The following ELK3 variants were observed in gnomAD, a reference collection of about 807,000 sequenced individuals.
ELK3 encodes the protein ETS domain-containing protein Elk-3.
A neutral mutation model predicts 28.9 loss-of-function variants in ELK3; 10 were observed. The observed-to-expected ratio is 0.35, with a 90% CI of 0.21 to 0.59. The LOEUF (loss-of-function observed/expected upper bound fraction) is 0.59, where lower values mean the gene tolerates loss of function less well. ELK3 is among the 20% of genes least tolerant of loss of function. The probability of loss-of-function intolerance (pLI) is 0.82; values close to 1 mark genes in which losing one functional copy is unlikely to be tolerated. For missense variants in ELK3, 463 were observed against 517.3 expected, an observed-to-expected ratio of 0.90 and a Z score of 1.02; for synonymous variants, 272 against 243.5, an observed-to-expected ratio of 1.12 and a Z score of -1.09.
intron 2 of ELK3, among the ~76,000 whole-genome samples, chr12:96,244,415 A>G (rs1951842264): frequency 6.6e-6 from 1 of 151,140 alleles, no homozygotes; most frequent in South Asian, 2.1e-4. Context: ...CCCAACTTAG[A>G]CATGATGTTC....
chr12:96,228,020 A>G (rs1951716005), intron 2 of ELK3, among the ~76,000 whole-genome samples: 1 of 152,158 alleles, frequency 6.6e-6, no homozygotes, highest in South Asian at 2.1e-4. Flanking sequence ...CAAAGAAGAA[A>G]ATTAGAAACT....
At chr12:96,260,171 T>TA (rs1951982653) in intron 4 of ELK3, among the ~76,000 whole-genome samples, 1 of 151,674 alleles carries the variant, frequency 6.6e-6, no homozygotes, top group South Asian at 2.1e-4. Context: ...TAGGCCAGTG[T>TA]GATGGCTCAC....
chr12:96,225,778 G>A (rs1329641845), intron 2 of ELK3, among the ~76,000 whole-genome samples: 1 of 152,176 alleles, frequency 6.6e-6, no homozygotes, highest in Admixed American at 6.5e-5. Flanking sequence ...TGAGTGTCTT[G>A]AGTTCCAGGT....
chr12:96,250,582 A>T (rs1016882884), intron 3 of ELK3, among the ~76,000 whole-genome samples: 1 of 152,226 alleles, frequency 6.6e-6, no homozygotes, highest in African/African-American at 2.4e-5. Context: ...CTCAACAGCC[A>T]GGCATTCTGT....
intron 1 of ELK3, among the ~76,000 whole-genome samples, chr12:96,209,460 T>C (rs947365086): frequency 6.6e-6 from 1 of 152,208 alleles, no homozygotes; most frequent in Non-Finnish European, 1.5e-5. Flanking sequence ...ACCGCCATCA[T>C]TTTGTATCCA....
chr12:96,266,491 C>T (rs563008344), intron 4 of ELK3, among the ~76,000 whole-genome samples: 2 of 151,968 alleles, frequency 1.3e-5, no homozygotes, highest in Admixed American at 1.3e-4. Context: ...ATACAGAAAT[C>T]TTATTCTTTG....
intron 2 of ELK3, among the ~76,000 whole-genome samples, chr12:96,235,314 C>T (rs1258575166): frequency 6.6e-6 from 1 of 151,662 alleles, no homozygotes; most frequent in Non-Finnish European, 1.5e-5. Flanking sequence ...CCAGCTGGCG[C>T]CTCACTTGGT....
At chr12:96,245,561 G>T (rs1167321664) in intron 2 of ELK3, among the ~76,000 whole-genome samples, 1 of 152,096 alleles carries the variant, frequency 6.6e-6, no homozygotes, top group Non-Finnish European at 1.5e-5. Flanking sequence ...TACTTGAAAT[G>T]ATCTTTTTTT....
intron 2 of ELK3, among the ~76,000 whole-genome samples, chr12:96,228,674 C>CT (rs1207189594): frequency 6.6e-6 from 1 of 152,224 alleles, no homozygotes; most frequent in Non-Finnish European, 1.5e-5. Context: ...TTAAATGACT[C>CT]TCCCTCACCG....
At chr12:96,232,254 A>T (rs1951746864) in intron 2 of ELK3, among the ~76,000 whole-genome samples, 1 of 151,550 alleles carries the variant, frequency 6.6e-6, no homozygotes, top group Non-Finnish European at 1.5e-5. Context: ...AAGGGTTGGA[A>T]CTCTGTGGTG....
At chr12:96,236,999 C>T (rs984327533) in intron 2 of ELK3, among the ~76,000 whole-genome samples, 4 of 152,202 alleles carry the variant, frequency 2.6e-5, no homozygotes, top group South Asian at 2.1e-4. Context: ...TCTGCCTCCA[C>T]GTCCCATGAC....
intron 2 of ELK3, among the ~76,000 whole-genome samples, chr12:96,238,584 C>T (rs1951799115): frequency 6.6e-6 from 1 of 152,188 alleles, no homozygotes; most frequent in Non-Finnish European, 1.5e-5. Context: ...CTGTCACCCT[C>T]GTCCCTTGGA....
At chr12:96,264,984 C>T (rs1952019583) in intron 4 of ELK3, among the ~76,000 whole-genome samples, 1 of 152,148 alleles carries the variant, frequency 6.6e-6, no homozygotes, top group Non-Finnish European at 1.5e-5. Flanking sequence ...GGAGCCCTGA[C>T]TCAAGTTTTA....
Position 96,246,930 on chromosome 12 carries a change from G to C in ELK3, c.208-10G>C, listed in dbSNP as rs765609150. 6.3e-7 allele frequency: 1 copy of C among 1,576,926 alleles called. No individual in the cohort carries two copies. The highest frequency in any genetic ancestry group is 1.2e-5 in the South Asian group (1 of 86,246). ...ACTCAGATTTTCAACGTCTACTTTT[G>C]TATTTGCAGAACATCATCAAGAAGG... On this transcript the variant is annotated splice_polypyrimidine_tract_variant and intron_variant, in intron 2 of 4. Transcript: ENST00000228741.
chr12:96,209,942 C>T (rs1035899522), intron 1 of ELK3, among the ~76,000 whole-genome samples: 8 of 150,948 alleles, frequency 5.3e-5, no homozygotes, highest in Non-Finnish European at 4.4e-5. Flanking sequence ...CTACATTTGA[C>T]CAAGGCACAG....
At chr12:96,214,120 A>T (rs1360137985) in intron 1 of ELK3, among the ~76,000 whole-genome samples, 1 of 152,170 alleles carries the variant, frequency 6.6e-6, no homozygotes, top group Non-Finnish European at 1.5e-5. Flanking sequence ...CCCAAGATGG[A>T]AGAGTTATTT....
At chr12:96,265,118 T>C (rs1952020459) in intron 4 of ELK3, among the ~76,000 whole-genome samples, 1 of 152,106 alleles carries the variant, frequency 6.6e-6, no homozygotes, top group East Asian at 1.9e-4. Context: ...AGTCCAAGCA[T>C]GGTACTGGAG....
At chr12:96,205,090 T>A (rs1384773245) in intron 1 of ELK3, among the ~76,000 whole-genome samples, 1 of 152,250 alleles carries the variant, frequency 6.6e-6, no homozygotes, top group Non-Finnish European at 1.5e-5. Context: ...CCATGTAGGA[T>A]TGAAGCCCTG....
chr12:96,214,342 A>G (rs1592673048), intron 1 of ELK3, among the ~76,000 whole-genome samples: 1 of 152,084 alleles, frequency 6.6e-6, no homozygotes, highest in Non-Finnish European at 1.5e-5. Context: ...GAGGCACGAG[A>G]ATCACTTGAA....
Sources: allele counts gnomAD v4.1 joint callset (sites outside exome capture counted in the v4.1 genomes callset), GRCh38; gene constraint gnomAD v4.1.1; transcripts MANE v1.5; gene names NCBI Gene and HGNC (gene_info 2026-07-23, HGNC 2026-07-21).